Variants in THSD7A observed in about 807,000 individuals in gnomAD.
THSD7A encodes thrombospondin type-1 domain-containing protein 7A.
In THSD7A, 96 loss-of-function variants were observed where a neutral mutation model predicts 231.3. The ratio of observed to expected loss-of-function variants is 0.41; its 90% CI spans 0.35 to 0.49. The LOEUF (loss-of-function observed/expected upper bound fraction) is 0.49, where lower values mean the gene tolerates loss of function less well. THSD7A is among the 20% of genes least tolerant of loss of function. The pLI is 0.05. For synonymous variants in THSD7A, 940 were observed against 743.3 expected (o/e 1.26, Z -4.30); for missense variants, 2,290 against 2,070.2 (o/e 1.11, Z -2.06).
intron 1 of THSD7A, among the ~76,000 whole-genome samples, chr7:11,747,638 ACTAT>A (rs970757445): frequency 6.6e-6 from 1 of 151,950 alleles, no homozygotes; most frequent in African/African-American, 2.4e-5. Flanking sequence ...TAAAAAAATG[ACTAT>A]CTAGCATGGA....
intron 7 of THSD7A, among the ~76,000 whole-genome samples, chr7:11,478,366 C>A (rs1280484341): frequency 6.6e-6 from 1 of 152,278 alleles, no homozygotes; most frequent in South Asian, 2.1e-4. Context: ...CATGTGCCCC[C>A]TGTCCTTCAC....
At position 11,375,657 on chromosome 7, in the gene THSD7A, C is replaced by G. The variant is rs753105768; in HGVS notation, c.*137G>C. ...ATATCTCCAGTGGCAGTATGATTTTCACTCTTGTCTTTATGATGCCATTTT... is the reference window on the plus strand; with the variant it reads ...ATATCTCCAGTGGCAGTATGATTTTGACTCTTGTCTTTATGATGCCATTTT... On this transcript the variant is annotated 3_prime_UTR_variant, in exon 28 of 28. Coordinates refer to ENST00000423059, the MANE Select transcript of THSD7A (RefSeq NM_015204.3). The G allele has an allele frequency of 2.2e-4, 149 of 676,828 alleles. 2 individuals are homozygous for G. Among genetic ancestry groups the G allele is most frequent in the Admixed American group, 1.8e-4 (6 of 33,646 alleles). 41.9% of individuals were successfully genotyped at this position (676,828 alleles called of 1,614,324 possible). A position where few individuals can be genotyped will look rare whatever the true frequency, so the allele number is the denominator to read the frequency against.
intron 7 of THSD7A, among the ~76,000 whole-genome samples, chr7:11,475,622 A>G (rs1236395998): frequency 6.7e-6 from 1 of 148,534 alleles, no homozygotes; most frequent in East Asian, 1.9e-4. Flanking sequence ...TATAACATAT[A>G]TATAACATAT....
intron 6 of THSD7A, among the ~76,000 whole-genome samples, chr7:11,511,784 C>T (rs1265067277): frequency 6.6e-6 from 1 of 152,260 alleles, no homozygotes; most frequent in East Asian, 1.9e-4. Flanking sequence ...AAAATTAATT[C>T]AAGATGGATT....
At position 11,444,344 on chromosome 7, in the gene THSD7A, T is replaced by C. The variant is rs910087632; in HGVS notation, c.3064+1717A>G. ...TAAATCATTCTACTATAAAGACACA[T>C]GCACACGTATGTTTACTGTGGCACT... On this transcript the variant is annotated intron_variant, in intron 13 of 27. Coordinates refer to ENST00000423059, the MANE Select transcript of THSD7A (RefSeq NM_015204.3). This position sits in a 1 kb window ranked among gnomAD's most constrained non-coding sequence, Gnocchi z 4.2. Among the ~76,000 whole-genome samples the C allele has an allele frequency of 4.6e-5, 7 of 152,078 alleles. No homozygotes were observed. Among genetic ancestry groups the C allele is most frequent in the African/African-American group, 1.7e-4 (7 of 41,430 alleles).
intron 6 of THSD7A, among the ~76,000 whole-genome samples, chr7:11,509,636 C>T (rs1028531767): frequency 1.2e-4 from 18 of 150,810 alleles, no homozygotes; most frequent in African/African-American, 3.2e-4. Context: ...ATCGAGACCA[C>T]GGTGAAACCC....
At chr7:11,642,890 G>A (rs545247070) in intron 1 of THSD7A, among the ~76,000 whole-genome samples, 10 of 151,990 alleles carry the variant, frequency 6.6e-5, no homozygotes, top group East Asian at 1.9e-4. Context: ...AAAGACAGCC[G>A]TCTAAATTTA....
At chr7:11,378,975 GC>G in intron 26 of THSD7A, 94 bp downstream of exon 26, 12 of 1,117,940 alleles carry the variant, frequency 1.1e-5, no homozygotes, top group Non-Finnish European at 1.6e-5. Flanking sequence ...ATAATCAATA[GC>G]TCATATAAAA....
intron 3 of THSD7A, among the ~76,000 whole-genome samples, chr7:11,591,740 A>G (rs943301534): frequency 2.0e-5 from 3 of 152,198 alleles, no homozygotes; most frequent in Admixed American, 1.3e-4. Context: ...TGCAGCACTC[A>G]GGTCAATTAT....
intron 1 of THSD7A, among the ~76,000 whole-genome samples, chr7:11,733,246 G>A (rs1781798303): frequency 6.6e-6 from 1 of 151,752 alleles, no homozygotes; most frequent in Admixed American, 6.6e-5. Flanking sequence ...GTAAGTGTAA[G>A]CTATTCCACT....
intron 1 of THSD7A, among the ~76,000 whole-genome samples, chr7:11,645,791 TA>T (rs1054960523): frequency 2.1e-4 from 32 of 151,968 alleles, no homozygotes; most frequent in Admixed American, 7.2e-4. Flanking sequence ...GCAGTAGATA[TA>T]AAAAATAAAC....
intron 16 of THSD7A, 70 bp downstream of exon 16, chr7:11,424,626 A>C (rs1009479754): frequency 6.3e-7 from 1 of 1,590,054 alleles, no homozygotes; most frequent in Non-Finnish European, 8.6e-7. Flanking sequence ...GTGAACAGTC[A>C]TGTTGGCACA....
intron 1 of THSD7A, among the ~76,000 whole-genome samples, chr7:11,716,256 ACC>A (rs1781133641): frequency 6.7e-6 from 1 of 149,646 alleles, no homozygotes; most frequent in South Asian, 2.1e-4. Flanking sequence ...AACTCTCTCC[ACC>A]CATCTTGAAT....
At chr7:11,399,538 T>G (rs1783318809) in intron 23 of THSD7A, among the ~76,000 whole-genome samples, 1 of 152,196 alleles carries the variant, frequency 6.6e-6, no homozygotes, top group Non-Finnish European at 1.5e-5. Context: ...TAAAAATTTA[T>G]TCAGTTGAGA....
At chr7:11,401,577 A>C (rs1783404121) in intron 23 of THSD7A, among the ~76,000 whole-genome samples, 1 of 151,756 alleles carries the variant, frequency 6.6e-6, no homozygotes, top group African/African-American at 2.4e-5. Context: ...GACACCATGC[A>C]TAATTTTTTT....
intron 1 of THSD7A, among the ~76,000 whole-genome samples, chr7:11,792,567 C>A: frequency 6.6e-6 from 1 of 151,858 alleles, no homozygotes; most frequent in East Asian, 1.9e-4. Flanking sequence ...ATTTGAATAG[C>A]CTAGCTCTGA....
chr7:11,808,033 C>A (rs1784441035), intron 1 of THSD7A, among the ~76,000 whole-genome samples: 1 of 152,082 alleles, frequency 6.6e-6, no homozygotes, highest in African/African-American at 2.4e-5. Context: ...CCCCAGAGGG[C>A]CTCTCACTGC....
intron 6 of THSD7A, among the ~76,000 whole-genome samples, chr7:11,497,828 C>T (rs1225092606): frequency 6.6e-6 from 1 of 152,114 alleles, no homozygotes; most frequent in Non-Finnish European, 1.5e-5. Context: ...AAAAACAAGA[C>T]AAGACAATGG....
intron 11 of THSD7A, among the ~76,000 whole-genome samples, chr7:11,449,857 T>C (rs928037926): frequency 6.6e-6 from 1 of 151,988 alleles, no homozygotes; most frequent in African/African-American, 2.4e-5. Context: ...TATTAAACTT[T>C]TTACTAATCA....
Sources: gnomAD v4.1 joint callset for allele counts (sites outside exome capture counted in the v4.1 genomes callset) on GRCh38, gnomAD v4.1.1 for gene constraint, Gnocchi (gnomAD v3.1) non-coding constraint, MANE v1.5 for transcripts, NCBI Gene and HGNC (gene_info 2026-07-23, HGNC 2026-07-21) for gene names.